Variants in NFATC2 observed in about 807,000 individuals in gnomAD.
NFATC2 encodes the protein nuclear factor of activated T-cells, cytoplasmic 2.
In NFATC2, 22 loss-of-function variants were observed where a neutral mutation model predicts 87.3. The observed-to-expected ratio is 0.25, with a 90% CI of 0.18 to 0.36. The LOEUF (loss-of-function observed/expected upper bound fraction) is 0.36. NFATC2 is among the 10% of genes least tolerant of loss of function. The pLI is 1.00. For synonymous variants in NFATC2, 565 were observed against 542.2 expected (o/e 1.04, Z -0.58); for missense variants, 1,149 against 1,259.1 (o/e 0.91, Z 1.32).
At chr20:51,529,537 AAAC>A (rs1443246865) in intron 1 of NFATC2, among the ~76,000 whole-genome samples, 3 of 152,184 alleles carry the variant, frequency 2.0e-5, no homozygotes, top group African/African-American at 7.2e-5. Flanking sequence ...ATTTCTCCTT[AAAC>A]AACTGCCACG....
At chr20:51,421,238 A>G (rs1217176284) in intron 9 of NFATC2, among the ~76,000 whole-genome samples, 1 of 152,142 alleles carries the variant, frequency 6.6e-6, no homozygotes, top group African/African-American at 2.4e-5. Flanking sequence ...GTACTATGCT[A>G]TAGTTACATA....
chr20:51,535,094 A>T (rs1442270878), intron 1 of NFATC2, among the ~76,000 whole-genome samples: 2 of 152,210 alleles, frequency 1.3e-5, no homozygotes, highest in African/African-American at 2.4e-5. Flanking sequence ...CATGACAGAG[A>T]ACAGACCTCA....
rs974158541 is a variant in NFATC2, at chr20:51,387,005, C to T, written c.*4491G>A. The T allele has an allele frequency of 6.6e-5, 10 of 152,016 alleles. No individual in the cohort carries two copies. The highest frequency in any genetic ancestry group is 1.5e-4 in the Non-Finnish European group (10 of 68,016). The allele number at this position is 152,016 out of a possible 1,614,324, so 9.4% of individuals were successfully genotyped here. ...ATTGCTAAACTATCATGATACAAGC[C>T]GTATAAAAATACTTTACATATAGGA... On this transcript the variant is annotated 3_prime_UTR_variant, in exon 11 of 11. Coordinates refer to ENST00000371564, the MANE Select transcript of NFATC2 (RefSeq NM_012340.5).
At position 51,390,664 on chromosome 20, in the gene NFATC2, G is replaced by C. The variant is rs1986220767; in HGVS notation, c.*832C>G. 1 of 153,802 alleles carries C rather than the reference G, an allele frequency of 6.5e-6. No individual in the cohort carries two copies. The highest frequency in any genetic ancestry group is 2.0e-4 in the South Asian group (1 of 4,910). The allele number at this position is 153,802 out of a possible 1,614,324, so 9.5% of individuals were successfully genotyped here. A position where few individuals can be genotyped will look rare whatever the true frequency, so the allele number is the denominator to read the frequency against. On this transcript the variant is annotated 3_prime_UTR_variant, in exon 11 of 11. Coordinates refer to ENST00000371564, the MANE Select transcript of NFATC2 (RefSeq NM_012340.5). ...AACAGCTCGCCAAGACAGCTCCAGG[G>C]CTAGGTGCCCTGGTCAGCCTTTTAA...
At chr20:51,467,029 G>A (rs142747954) in intron 5 of NFATC2, among the ~76,000 whole-genome samples, 2,119 of 139,856 alleles carry the variant, frequency 0.015, 20 homozygotes, top group Middle Eastern at 0.086. Flanking sequence ...CCAAGACTGC[G>A]CCATTGCACT....
At chr20:51,556,885 A>T (rs2076983078) in intron 1 of NFATC2, among the ~76,000 whole-genome samples, 1 of 152,084 alleles carries the variant, frequency 6.6e-6, no homozygotes, top group African/African-American at 2.4e-5. Flanking sequence ...AGCCAGAGAG[A>T]GGGGATGGGG....
In NFATC2 at chr20:51,477,535, CTATATATATATATATATATATATATATA is replaced by C. The variant is rs11467129; in HGVS notation, c.1333-1903_1333-1876del. Among the ~76,000 whole-genome samples the C allele has an allele frequency of 7.7e-3, 557 of 72,728 alleles. 6 individuals carry two copies. The highest frequency in any genetic ancestry group is 0.012 in the Non-Finnish European group (433 of 37,194). The allele number at this position is 72,728 out of a possible 152,430, so 47.7% of individuals were successfully genotyped here. A position where few individuals can be genotyped will look rare whatever the true frequency, so the allele number is the denominator to read the frequency against. On this transcript the variant is annotated intron_variant, in intron 3 of 10. Transcript: ENST00000371564. Reference sequence around the variant, plus strand: ...TATATATACATATGTGTGTGTGTGTCTATATATATATATATATATATATATATATATATATATATATATATAAAATAAC... The same window carrying C: ...TATATATACATATGTGTGTGTGTGTCTATATATATATATATATAAAATAAC...
intron 9 of NFATC2, among the ~76,000 whole-genome samples, chr20:51,399,932 A>G (rs1987812418): frequency 1.3e-5 from 2 of 152,186 alleles, no homozygotes. Flanking sequence ...AGATTGCAAT[A>G]TCTACCTGCC....
upstream of NFATC2, chr20:51,542,749 CGG>C (rs1167272535): frequency 8.9e-3 from 38 of 4,268 alleles, 3 homozygotes; most frequent in African/African-American, 0.014. Context: ...CCCGGGGAGG[CGG>C]GGGGGGGGGG....
chr20:51,551,984 G>A (rs1224623563), intron 1 of NFATC2, among the ~76,000 whole-genome samples: 7 of 151,418 alleles, frequency 4.6e-5, no homozygotes, highest in South Asian at 2.1e-4. Flanking sequence ...CTGAGATCAC[G>A]CCACTGCACT....
chr20:51,507,592 A>G (rs577736860), intron 3 of NFATC2, among the ~76,000 whole-genome samples: 41 of 152,358 alleles, frequency 2.7e-4, no homozygotes, highest in Non-Finnish European at 4.9e-4. Flanking sequence ...ATAGCCTGAC[A>G]GACGTAAGTC....
At chr20:51,492,918 G>T (rs1216096883) in intron 3 of NFATC2, among the ~76,000 whole-genome samples, 1 of 152,220 alleles carries the variant, frequency 6.6e-6, no homozygotes, top group Non-Finnish European at 1.5e-5. Context: ...ACGTATCCAC[G>T]GGCTCATGGA....
At chr20:51,496,657 T>C (rs1323469576) in intron 3 of NFATC2, among the ~76,000 whole-genome samples, 2 of 152,206 alleles carry the variant, frequency 1.3e-5, no homozygotes, top group Admixed American at 6.5e-5. Context: ...TGGGGTACTA[T>C]TATCATCCTA....
At chr20:51,440,628 C>CT (rs1211769264) in intron 6 of NFATC2, among the ~76,000 whole-genome samples, 3 of 152,192 alleles carry the variant, frequency 2.0e-5, no homozygotes, top group African/African-American at 7.2e-5. Flanking sequence ...AAGGGTCCAT[C>CT]TTCTTTCTTT....
At position 51,388,889 on chromosome 20, in the gene NFATC2, T is replaced by A. The variant is rs1986042995; in HGVS notation, c.*2607A>T. On this transcript the variant is annotated 3_prime_UTR_variant, in exon 11 of 11. Coordinates refer to ENST00000371564, the MANE Select transcript of NFATC2 (RefSeq NM_012340.5). ...TAGACACCCCTACTTTCTCATTCTCTTAGAGGATCTTATTGCCTCTTCCCG... is the reference window on the plus strand; with the variant it reads ...TAGACACCCCTACTTTCTCATTCTCATAGAGGATCTTATTGCCTCTTCCCG... 1 of 152,208 alleles carries A rather than the reference T, an allele frequency of 6.6e-6. No homozygotes were observed. The highest frequency in any genetic ancestry group is 2.4e-5 in the African/African-American group (1 of 41,452). 9.4% of individuals were successfully genotyped at this position (152,208 alleles called of 1,614,324 possible).
Position 51,390,000 on chromosome 20 carries a change from C to G in NFATC2, c.*1496G>C, listed in dbSNP as rs1986149814. The stretch of plus-strand genomic sequence containing the variant: ...CGCTTGTCCTGGGGTATCTGCAGTA[C>G]ATGCAAACAGAAACAAACACATCTG... On this transcript the variant is annotated 3_prime_UTR_variant, in exon 11 of 11. Coordinates refer to ENST00000371564, the MANE Select transcript of NFATC2 (RefSeq NM_012340.5). 6.6e-6 allele frequency: 1 copy of G among 152,190 alleles called. No homozygotes were observed. The highest frequency in any genetic ancestry group is 2.1e-4 in the South Asian group (1 of 4,830). 9.4% of individuals were successfully genotyped at this position (152,190 alleles called of 1,614,324 possible). A position where few individuals can be genotyped will look rare whatever the true frequency, so the allele number is the denominator to read the frequency against.
At position 51,524,049 on chromosome 20, in the gene NFATC2, G is replaced by A; in HGVS notation, c.192C>T (p.Val64=). 2 of 1,523,770 alleles carry A rather than the reference G, an allele frequency of 1.3e-6. No individual in the cohort carries two copies. The allele number at this position is 1,523,770 out of a possible 1,614,324, so 94.4% of individuals were successfully genotyped here. A position where few individuals can be genotyped will look rare whatever the true frequency, so the allele number is the denominator to read the frequency against. ...PPSGPAYPDD[V]LDYGLKPYSP... is the part of the protein sequence containing the mutation. ...TGTATGGCTTGAGGCCATAGTCCAG[G>A]ACATCATCGGGGTATGCGGGTCCGG... Residue 64 remains valine (V), a synonymous_variant, in exon 2 of 11, where the codon GTC becomes GTT. Transcript: ENST00000371564. The surrounding 1 kb of genome is among the most constrained non-coding windows in gnomAD (Gnocchi z 4.0).
intron 6 of NFATC2, among the ~76,000 whole-genome samples, chr20:51,444,034 G>A (rs1268927903): frequency 6.6e-6 from 1 of 152,118 alleles, no homozygotes; most frequent in Non-Finnish European, 1.5e-5. Context: ...CCAGGCAGGA[G>A]TCCATGGCGC....
At chr20:51,403,855 G>A (rs1359148111) in intron 9 of NFATC2, among the ~76,000 whole-genome samples, 1 of 152,146 alleles carries the variant, frequency 6.6e-6, no homozygotes, top group African/African-American at 2.4e-5. Flanking sequence ...AAGCCACTAA[G>A]TCTATGATAT....
Sources: allele counts gnomAD v4.1 joint callset (sites outside exome capture counted in the v4.1 genomes callset), GRCh38; gene constraint gnomAD v4.1.1; non-coding constraint Gnocchi (gnomAD v3.1); transcripts MANE v1.5; gene names NCBI Gene and HGNC (gene_info 2026-07-23, HGNC 2026-07-21).